Variants in ZNF385D observed in about 807,000 individuals in gnomAD.
ZNF385D encodes the protein zinc finger protein 385D.
ZNF385D carries 15 observed loss-of-function variants against 35.8 expected under a neutral mutation model. The ratio of observed to expected loss-of-function variants is 0.42; its 90% CI spans 0.28 to 0.64. ZNF385D has a LOEUF of 0.64. ZNF385D is among the 30% of genes least tolerant of loss of function. ZNF385D has a pLI of 0.23. For synonymous variants in ZNF385D, 212 were observed against 186.8 expected (o/e 1.13, Z -1.10); for missense variants, 474 against 494.6 (o/e 0.96, Z 0.39).
At chr3:21,711,639 C>G (rs927149761) in intron 1 of ZNF385D, among the ~76,000 whole-genome samples, 1 of 152,194 alleles carries the variant, frequency 6.6e-6, no homozygotes, top group African/African-American at 2.4e-5. Flanking sequence ...AAAACACTCA[C>G]TCATTCTGCC....
intron 3 of ZNF385D, among the ~76,000 whole-genome samples, chr3:22,109,501 T>C (rs1702398395): frequency 6.6e-6 from 1 of 152,108 alleles, no homozygotes; most frequent in African/African-American, 2.4e-5. Context: ...GAGCTACTGA[T>C]GTTTGGAAAT....
chr3:21,486,825 A>AT, intron 4 of ZNF385D, among the ~76,000 whole-genome samples: 2 of 152,188 alleles, frequency 1.3e-5, no homozygotes, highest in South Asian at 4.1e-4. Flanking sequence ...TAGAATGTTT[A>AT]TTTGTTCATT....
At chr3:22,150,609 G>T (rs759271036) in intron 3 of ZNF385D, among the ~76,000 whole-genome samples, 1 of 152,022 alleles carries the variant, frequency 6.6e-6, no homozygotes, top group Non-Finnish European at 1.5e-5. Flanking sequence ...TCTTCCTTCA[G>T]GCTACTAACT....
intron 2 of ZNF385D, among the ~76,000 whole-genome samples, chr3:21,593,967 T>C (rs73819314): frequency 0.037 from 5,698 of 152,126 alleles, 346 homozygotes; most frequent in African/African-American, 0.13. Context: ...GAGCAAAGCT[T>C]GACCTAGTAA....
At chr3:21,776,179 A>G (rs1245797979) in intron 3 of ZNF385D, among the ~76,000 whole-genome samples, 1 of 151,908 alleles carries the variant, frequency 6.6e-6, no homozygotes, top group African/African-American at 2.4e-5. Flanking sequence ...TTGGACACTT[A>G]GATATTTTCC....
chr3:21,969,114 G>A (rs1231289704), intron 3 of ZNF385D, among the ~76,000 whole-genome samples: 3 of 152,212 alleles, frequency 2.0e-5, no homozygotes, highest in Non-Finnish European at 4.4e-5. Context: ...GTGGTCATAG[G>A]GAGAGACTCC....
At chr3:21,632,987 C>A (rs1200927472) in intron 2 of ZNF385D, among the ~76,000 whole-genome samples, 1 of 151,980 alleles carries the variant, frequency 6.6e-6, no homozygotes, top group Non-Finnish European at 1.5e-5. Flanking sequence ...AATACATTTA[C>A]TTCGAACAAA....
intron 2 of ZNF385D, among the ~76,000 whole-genome samples, chr3:22,370,581 T>C (rs1479022287): frequency 1.3e-5 from 2 of 152,240 alleles, no homozygotes; most frequent in Non-Finnish European, 2.9e-5. Flanking sequence ...GAGAGGTTTA[T>C]TGCTCTCATT....
At chr3:21,454,117 A>C (rs145285458) in intron 4 of ZNF385D, among the ~76,000 whole-genome samples, 1,689 of 152,220 alleles carry the variant, frequency 0.011, 84 homozygotes, top group Admixed American at 0.084. Flanking sequence ...ACGTTGTATG[A>C]TTCCATTTAT....
chr3:21,641,803 G>A (rs2125859262), intron 2 of ZNF385D, among the ~76,000 whole-genome samples: 1 of 151,864 alleles, frequency 6.6e-6, no homozygotes, highest in South Asian at 2.1e-4. Context: ...AAGAGTCCTT[G>A]GTGGACCTTC....
intron 3 of ZNF385D, among the ~76,000 whole-genome samples, chr3:22,072,928 C>T (rs1700296928): frequency 1.3e-5 from 2 of 151,926 alleles, no homozygotes. Flanking sequence ...AAGAGAAAAG[C>T]ATTTGTCCTG....
chr3:22,126,697 A>G (rs982953736), intron 3 of ZNF385D, among the ~76,000 whole-genome samples: 3 of 152,120 alleles, frequency 2.0e-5, no homozygotes, highest in Admixed American at 6.6e-5. Flanking sequence ...TATTAGGTCC[A>G]TTTGGTCTAT....
At chr3:22,229,281 G>T (rs951635351) in intron 2 of ZNF385D, among the ~76,000 whole-genome samples, 1 of 152,112 alleles carries the variant, frequency 6.6e-6, no homozygotes, top group African/African-American at 2.4e-5. Flanking sequence ...TTGGAAAACT[G>T]GCCACTTATT....
chr3:21,906,426 C>A (rs933718911), intron 3 of ZNF385D, among the ~76,000 whole-genome samples: 1 of 152,114 alleles, frequency 6.6e-6, no homozygotes, highest in Admixed American at 6.6e-5. Flanking sequence ...GGTCAAAGCC[C>A]TAAATAAAAC....
rs1559316525 is a variant in ZNF385D at position 22,030,280 on chromosome 3, T to TAAC, written c.325+138536_325+138537insGTT. Among the ~76,000 whole-genome samples the TAAC allele has an allele frequency of 8.9e-5, 10 of 112,788 alleles. 1 individual carries two copies. The highest frequency in any genetic ancestry group is 3.6e-4 in the African/African-American group (10 of 28,064). 74.0% of individuals were successfully genotyped at this position (112,788 alleles called of 152,430 possible). ...TCATATATATATATATATATATATA[T>TAAC]ATATATATATATATATATATATCCT... On this transcript the variant is annotated intron_variant, in intron 3 of 5. Coordinates refer to the ZNF385D transcript ENST00000494108.
chr3:21,973,836 T>C (rs935295044), intron 3 of ZNF385D, among the ~76,000 whole-genome samples: 2 of 151,740 alleles, frequency 1.3e-5, no homozygotes, highest in Non-Finnish European at 2.9e-5. Context: ...ATAGCTACAA[T>C]TAAAATTAAA....
intron 3 of ZNF385D, among the ~76,000 whole-genome samples, chr3:21,761,848 GATTTC>G (rs2070624539): frequency 7.5e-6 from 1 of 133,422 alleles, no homozygotes; most frequent in Non-Finnish European, 1.6e-5. Flanking sequence ...TTAAAATTAT[GATTTC>G]AAGAGCATTT....
chr3:21,512,160 A>AAAAAAAG (rs1707265177), intron 3 of ZNF385D, among the ~76,000 whole-genome samples: 1 of 151,560 alleles, frequency 6.6e-6, no homozygotes, highest in African/African-American at 2.4e-5. Flanking sequence ...AAAAAAAAAA[A>AAAAAAAG]AAAAGAAGTA....
At chr3:22,268,584 TG>T (rs1490062902) in intron 2 of ZNF385D, among the ~76,000 whole-genome samples, 2 of 152,078 alleles carry the variant, frequency 1.3e-5, no homozygotes, top group Non-Finnish European at 1.5e-5. Flanking sequence ...GGCATGGCTC[TG>T]TTCTAGTAAA....
Sources: allele counts gnomAD v4.1 joint callset (sites outside exome capture counted in the v4.1 genomes callset), GRCh38; gene constraint gnomAD v4.1.1; transcripts MANE v1.5; gene names NCBI Gene and HGNC (gene_info 2026-07-23, HGNC 2026-07-21).